The following FLVCR1 variants were observed in gnomAD, a reference collection of about 807,000 sequenced individuals.
FLVCR1 encodes FLVCR choline and heme transporter 1, also known as choline/ethanolamine transporter FLVCR1.
A neutral mutation model predicts 53.6 loss-of-function variants in FLVCR1; 34 were observed. The ratio of observed to expected loss-of-function variants is 0.63; its 90% CI spans 0.48 to 0.84. The LOEUF (loss-of-function observed/expected upper bound fraction) is 0.84. FLVCR1 is among the 40% of genes least tolerant of loss of function. The pLI is 0.00. For synonymous variants in FLVCR1, 300 were observed against 286.3 expected, an observed-to-expected ratio of 1.05 and a Z score of -0.48; for missense variants, 677 against 696.7, an observed-to-expected ratio of 0.97 and a Z score of 0.32.
intron 8 of FLVCR1, among the ~76,000 whole-genome samples, chr1:212,890,555 G>A (rs1396226243): frequency 1.3e-5 from 2 of 152,138 alleles, no homozygotes; most frequent in South Asian, 2.1e-4. Flanking sequence ...CCACATATGG[G>A]CTGCAGACCA....
At chr1:212,865,354 C>T (rs576329934) in intron 2 of FLVCR1, among the ~76,000 whole-genome samples, 1 of 151,174 alleles carries the variant, frequency 6.6e-6, no homozygotes, top group Non-Finnish European at 1.5e-5. Context: ...TGTTCAGTTC[C>T]CACCTATGAG....
At chr1:212,889,460 A>C (rs1665135521) in intron 8 of FLVCR1, among the ~76,000 whole-genome samples, 1 of 152,200 alleles carries the variant, frequency 6.6e-6, no homozygotes, top group African/African-American at 2.4e-5. Flanking sequence ...ATAGCAAGCA[A>C]AACTGTTATA....
Position 212,896,152 on chromosome 1 carries a change from G to A in FLVCR1, c.*862G>A, listed in dbSNP as rs1031693815. The A allele has an allele frequency of 6.9e-6, 1 of 144,340 alleles. No individual in the cohort carries two copies. The highest frequency in any genetic ancestry group is 6.9e-5 in the Admixed American group (1 of 14,464). The allele number at this position is 144,340 out of a possible 1,614,324, so 8.9% of individuals were successfully genotyped here. Reference sequence around the variant, plus strand: ...ACTCTCTTTTTTTTTTTTTCCTGATGTGTAACTTTCTAGTAAGATAATTTC... The same window carrying A: ...ACTCTCTTTTTTTTTTTTTCCTGATATGTAACTTTCTAGTAAGATAATTTC... On this transcript the variant is annotated 3_prime_UTR_variant, in exon 10 of 10. Transcript: ENST00000366971.
chr1:212,896,858 A>T lies in FLVCR1; in HGVS notation c.*1568A>T, dbSNP rs1303944580. 718 of 77,010 alleles carry T rather than the reference A, an allele frequency of 9.3e-3. 24 individuals are homozygous for T. Among genetic ancestry groups the T allele is most frequent in the African/African-American group, 0.054 (638 of 11,894 alleles). The allele number at this position is 77,010 out of a possible 1,614,324, so 4.8% of individuals were successfully genotyped here. A position where few individuals can be genotyped will look rare whatever the true frequency, so the allele number is the denominator to read the frequency against. On this transcript the variant is annotated 3_prime_UTR_variant, in exon 10 of 10. Transcript: ENST00000366971. ...CATGGTAAAACCCCATCTCTACTAA[A>T]AAAAAAAAAAAAAAAAAAAAAAAAA...
intron 1 of FLVCR1, among the ~76,000 whole-genome samples, chr1:212,860,447 C>G (rs549367717): frequency 8.1e-5 from 12 of 148,922 alleles, no homozygotes; most frequent in Non-Finnish European, 1.5e-4. Flanking sequence ...CTCTGCCTCC[C>G]GAAGTGCTGG....
In FLVCR1 at chr1:212,858,783, C is replaced by T; in HGVS notation, c.331C>T (p.Leu111Phe). Residue 111 changes from leucine to phenylalanine, a missense_variant, in exon 1 of 10, where the codon CTC becomes TTC. Leu to Phe is a conservative substitution (Grantham distance 22). Transcript: ENST00000366971. ...TALSPRRFVV[L>F]LIFSLYSLVN... The stretch of plus-strand genomic sequence containing the variant: ...GCTCTCCCCGCGGCGCTTCGTGGTG[C>T]TCCTGATCTTCAGCCTGTACTCGCT... The T allele has an allele frequency of 6.2e-7, 1 of 1,614,158 alleles. No individual in the cohort carries two copies. Among genetic ancestry groups the T allele is most frequent in the Non-Finnish European group, 8.5e-7 (1 of 1,180,030 alleles).
In FLVCR1 at chr1:212,891,409, C is replaced by A. The variant is rs192794689; in HGVS notation, c.1525+2152C>A. 2.1e-3 allele frequency among the ~76,000 whole-genome samples: 321 copies of A among 151,538 alleles called. 1 individual carries two copies. The highest frequency in any genetic ancestry group is 7.2e-3 in the African/African-American group (298 of 41,324). On this transcript the variant is annotated intron_variant, in intron 8 of 9. Coordinates refer to ENST00000366971, the MANE Select transcript of FLVCR1 (RefSeq NM_014053.4). ...CAGTGAGTGGTGAAGATCACACCAC[C>A]ACTCCAGCCTGGGTGACAAAGTGAG...
intron 1 of FLVCR1, among the ~76,000 whole-genome samples, chr1:212,861,482 C>T (rs541591598): frequency 5.9e-5 from 9 of 152,246 alleles, no homozygotes; most frequent in Admixed American, 3.9e-4. Context: ...CCAGGTGGTA[C>T]ACCTGTTGTC....
chr1:212,875,793 A>G (rs1664737212), intron 3 of FLVCR1, among the ~76,000 whole-genome samples: 1 of 150,994 alleles, frequency 6.6e-6, no homozygotes, highest in Non-Finnish European at 1.5e-5. Flanking sequence ...GTAAGCTGAG[A>G]TCGTGCCACT....
At chr1:212,887,050 G>A (rs548125596) in intron 5 of FLVCR1, among the ~76,000 whole-genome samples, 67 of 152,238 alleles carry the variant, frequency 4.4e-4, no homozygotes, top group African/African-American at 1.5e-3. Flanking sequence ...ACTGTGTCCC[G>A]TGTACCTTTC....
Position 212,858,441 on chromosome 1 carries a change from G to T in FLVCR1, c.-12G>T. On this transcript the variant is annotated 5_prime_UTR_variant, in exon 1 of 10. Transcript: ENST00000366971. ...GGGCGGGGGAGCGAGGTGGCGCCGG[G>T]GAGCCTGGGATATGGCGCGGCCAGA... The T allele has an allele frequency of 2.8e-6, 4 of 1,432,604 alleles. No homozygotes were observed. The South Asian group carries it at 4.4e-5, about 16-fold the overall frequency. 88.7% of individuals were successfully genotyped at this position (1,432,604 alleles called of 1,614,324 possible).
intron 1 of FLVCR1, among the ~76,000 whole-genome samples, chr1:212,859,591 A>G (rs1572003369): frequency 6.6e-6 from 1 of 152,004 alleles, no homozygotes; most frequent in Non-Finnish European, 1.5e-5. Flanking sequence ...GCTTGCGGGT[A>G]TCTGTAGTCC....
chr1:212,858,766 C>G lies in FLVCR1; in HGVS notation c.314C>G (p.Pro105Arg). The change falls in exon 1 of 10, where the codon CCG becomes CGG. Residue 105 changes from proline (P) to arginine (R), a missense_variant. Pro to Arg is a moderately radical substitution (Grantham distance 103, BLOSUM62 -2). Transcript: ENST00000366971. The part of the protein sequence containing the change: ...SSPLPLTALS[P>R]RRFVVLLIFS... Reference sequence around the variant, plus strand: ...CCGCTGCCCCTTACGGCGCTCTCCCCGCGGCGCTTCGTGGTGCTCCTGATC... The same window carrying G: ...CCGCTGCCCCTTACGGCGCTCTCCCGGCGGCGCTTCGTGGTGCTCCTGATC... The G allele has an allele frequency of 6.2e-7, 1 of 1,613,982 alleles. No homozygotes were observed. The highest frequency in any genetic ancestry group is 8.5e-7 in the Non-Finnish European group (1 of 1,179,996).
In FLVCR1 at chr1:212,885,467, T is replaced by C. The variant is rs888165730; in HGVS notation, c.1196+71T>C. On this transcript the variant is annotated intron_variant, in intron 5 of 9. Coordinates refer to ENST00000366971, the MANE Select transcript of FLVCR1 (RefSeq NM_014053.4). ...TGATTTTAAAGGACAATTTGCTTTT[T>C]ATTTCAAGAAATTTAAAACATGTTA... The C allele has an allele frequency of 4.2e-6, 5 of 1,197,610 alleles. No homozygotes were observed. In the Admixed American group the frequency reaches 8.5e-5, roughly 20 times the overall value. The allele number at this position is 1,197,610 out of a possible 1,614,324, so 74.2% of individuals were successfully genotyped here. A position where few individuals can be genotyped will look rare whatever the true frequency, so the allele number is the denominator to read the frequency against.
intron 2 of FLVCR1, among the ~76,000 whole-genome samples, chr1:212,864,704 A>G (rs1664356070): frequency 6.6e-6 from 1 of 152,256 alleles, no homozygotes; most frequent in Admixed American, 6.5e-5. Flanking sequence ...AATCATTCAA[A>G]TTTATAATTT....
intron 3 of FLVCR1, among the ~76,000 whole-genome samples, chr1:212,881,161 A>G (rs6666356): frequency 0.46 from 70,306 of 151,906 alleles, 17,497 homozygotes; most frequent in East Asian, 0.56. Flanking sequence ...TATGGGAAAA[A>G]TAAACTAAAA....
chr1:212,864,212 A>C (rs1664341595), intron 2 of FLVCR1, among the ~76,000 whole-genome samples: 1 of 152,216 alleles, frequency 6.6e-6, no homozygotes, highest in South Asian at 2.1e-4. Flanking sequence ...GCCAGGAACA[A>C]GTTCTTGCCA....
intron 2 of FLVCR1, among the ~76,000 whole-genome samples, chr1:212,870,348 A>G (rs1354391864): frequency 1.3e-5 from 2 of 152,198 alleles, no homozygotes; most frequent in Admixed American, 6.5e-5. Flanking sequence ...AAATTAGAGA[A>G]TTGTAGTATT....
intron 1 of FLVCR1, among the ~76,000 whole-genome samples, chr1:212,861,663 TTTTA>T (rs1054076509): frequency 6.6e-6 from 1 of 151,950 alleles, no homozygotes. Context: ...TTTGTTTTAT[TTTTA>T]TTTATTTATT....
Sources: allele counts gnomAD v4.1 joint callset (sites outside exome capture counted in the v4.1 genomes callset), GRCh38; gene constraint gnomAD v4.1.1; transcripts MANE v1.5; gene names NCBI Gene and HGNC (gene_info 2026-07-23, HGNC 2026-07-21).